Variants in INF2 observed in about 807,000 individuals in gnomAD.
INF2 encodes inverted formin 2.
INF2 carries 43 observed loss-of-function variants against 123.5 expected under a neutral mutation model. The ratio of observed to expected loss-of-function variants is 0.35; its 90% CI spans 0.27 to 0.45. The LOEUF is 0.45. Among genes scored for constraint, INF2 ranks in the 20% least tolerant of loss-of-function variants. INF2 has a pLI of 1.00. For missense variants in INF2, 1,453 were observed against 1,682.7 expected (o/e 0.86, Z 2.39); for synonymous variants, 851 against 745.0 (o/e 1.14, Z -2.32).
intron 21 of INF2, among the ~76,000 whole-genome samples, 182 bp downstream of exon 21, chr14:104,715,038 C>G (rs1328787067): frequency 6.6e-6 from 1 of 152,214 alleles, no homozygotes; most frequent in African/African-American, 2.4e-5. Flanking sequence ...GCTGCCGCGG[C>G]CCGTGCAACT....
At chr14:104,716,071 G>A (rs2140706945) in intron 22 of INF2, 3 of 410,578 alleles carry the variant, frequency 7.3e-6, no homozygotes, top group Non-Finnish European at 1.5e-5. Context: ...GGACCAGCCT[G>A]CACTGGGTGG....
At position 104,709,304 on chromosome 14, in the gene INF2, T is replaced by C. The variant is rs763711670; in HGVS notation, c.1973T>C (p.Met658Thr). The change falls in exon 11 of 23, where the codon ATG becomes ACG. Residue 658 changes from methionine to threonine, a missense_variant. Physicochemically the swap from Met to Thr is moderately conservative, Grantham distance 81. Coordinates refer to ENST00000392634, the MANE Select transcript of INF2 (RefSeq NM_022489.4). ...AGCTCCAACGAGGAGGTCGCTGCTA[T>C]GATCCGGGCTGGAGATACCACCAAG... ...FKCSNEEVAA[M>T]IRAGDTTKFD... 1.9e-6 allele frequency: 3 copies of C among 1,613,034 alleles called. No individual in the cohort carries two copies. The highest frequency in any genetic ancestry group is 2.5e-6 in the Non-Finnish European group (3 of 1,179,816).
chr14:104,712,703 C>A, intron 17 of INF2, 125 bp from the exon 18 acceptor site: 1 of 1,482,112 alleles, frequency 6.7e-7, no homozygotes, highest in East Asian at 2.3e-5. Flanking sequence ...GCCCCTGCTC[C>A]TTGTCAGAGA....
chr14:104,683,370 C>CCCTGGGTG (rs1230705720), intron 1 of INF2, among the ~76,000 whole-genome samples: 1 of 152,202 alleles, frequency 6.6e-6, no homozygotes, highest in Non-Finnish European at 1.5e-5. Flanking sequence ...AGCCTAGCTC[C>CCCTGGGTG]CCTGGGTGCC....
chr14:104,702,891 G>A (rs562476394), intron 2 of INF2, among the ~76,000 whole-genome samples: 25 of 152,242 alleles, frequency 1.6e-4, no homozygotes, highest in African/African-American at 2.4e-4. Context: ...GCCCTTCCCT[G>A]CAGGGTCTGG....
At chr14:104,708,246 C>A in intron 8 of INF2, 190 bp from the exon 9 acceptor site, 1 of 881,944 alleles carries the variant, frequency 1.1e-6, no homozygotes, top group Non-Finnish European at 1.7e-6. Flanking sequence ...TCTGGGGTGC[C>A]ATGGTGCCCT....
chr14:104,689,779 G>A, intron 1 of INF2, 40 bp downstream of exon 1: 8 of 976,524 alleles, frequency 8.2e-6, no homozygotes, highest in Non-Finnish European at 9.7e-6. Context: ...AGCTTCAGGG[G>A]AAACTGAGTC....
At position 104,715,348 on chromosome 14, in the gene INF2, C is replaced by A; in HGVS notation, c.*1+8C>A. On this transcript the variant is annotated splice_region_variant and intron_variant, in intron 22 of 22. Coordinates refer to ENST00000392634, the MANE Select transcript of INF2 (RefSeq NM_022489.4). Reference sequence around the variant, plus strand: ...TGTGTGTGATCCAGTAAGGTATGTACGCAGCCGGCGCTCCGTGGGGGCTAA... The same window carrying A: ...TGTGTGTGATCCAGTAAGGTATGTAAGCAGCCGGCGCTCCGTGGGGGCTAA... 6.2e-7 allele frequency: 1 copy of A among 1,612,524 alleles called. No individual in the cohort carries two copies.
In INF2 at chr14:104,718,959, T is replaced by A; in HGVS notation, c.*166T>A. ...CCCTCCTGGAGCCTTCTTGGGGTGTTGTGGCTGGGAACCCGACAGGCACCA... is the reference window on the plus strand; with the variant it reads ...CCCTCCTGGAGCCTTCTTGGGGTGTAGTGGCTGGGAACCCGACAGGCACCA... On this transcript the variant is annotated 3_prime_UTR_variant, in exon 23 of 23. Transcript: ENST00000392634. 2 of 1,416,982 alleles carry A rather than the reference T, an allele frequency of 1.4e-6. No individual in the cohort carries two copies. Among genetic ancestry groups the A allele is most frequent in the Non-Finnish European group, 1.8e-6 (2 of 1,087,028 alleles). 87.8% of individuals were successfully genotyped at this position (1,416,982 alleles called of 1,614,324 possible).
At chr14:104,694,451 C>G (rs1369271644) in intron 1 of INF2, among the ~76,000 whole-genome samples, 1 of 152,218 alleles carries the variant, frequency 6.6e-6, no homozygotes, top group Non-Finnish European at 1.5e-5. Context: ...CATGCAACGT[C>G]CTAGCTCCGT....
chr14:104,698,525 T>C (rs944789255), intron 1 of INF2, among the ~76,000 whole-genome samples: 5 of 152,226 alleles, frequency 3.3e-5, no homozygotes, highest in Non-Finnish European at 5.9e-5. Flanking sequence ...GGGGATGCCC[T>C]GAGAGAGGCT....
In INF2 at chr14:104,701,756, G is replaced by A. The variant is rs1889514896; in HGVS notation, c.391G>A (p.Ala131Thr). ...GGGCTACGTGCGCCAGCTCTCCCAG[G>A]GTGAGCCGCAGTGTGGGAGGGCCGC... ...NQGYVRQLSQALDTSNVMVKK... is the reference protein window; with the variant it reads ...NQGYVRQLSQTLDTSNVMVKK... The change falls in exon 2 of 23, where the codon GCC (alanine) becomes ACC (threonine). Residue 131 changes from alanine (A) to threonine (T), a missense_variant and splice_region_variant. Around this residue, in one of 8 missense-constraint regions of INF2, gnomAD observed 251 missense variants for 349.4 expected, o/e 0.72. Coordinates refer to ENST00000392634, the MANE Select transcript of INF2 (RefSeq NM_022489.4). 6.7e-6 allele frequency: 10 copies of A among 1,503,044 alleles called. No individual in the cohort carries two copies. Among genetic ancestry groups the A allele is most frequent in the Non-Finnish European group, 8.9e-6 (10 of 1,125,242 alleles). The allele number at this position is 1,503,044 out of a possible 1,614,324, so 93.1% of individuals were successfully genotyped here.
At chr14:104,717,614 C>T (rs1001380321) in intron 22 of INF2, 4 of 152,224 alleles carry the variant, frequency 2.6e-5, no homozygotes, top group Admixed American at 2.6e-4. Context: ...TGGAAGATAA[C>T]TTCACTTTGG....
In INF2 at chr14:104,714,675, T is replaced by TGAGGAC. The variant is rs748373029; in HGVS notation, c.3525_3530dup (p.Asp1175_Glu1176dup). 6.2e-6 allele frequency: 10 copies of TGAGGAC among 1,612,070 alleles called. No homozygotes were observed. The highest frequency in any genetic ancestry group is 3.3e-5 in the South Asian group (3 of 91,042). On this transcript the variant is annotated inframe_insertion, in exon 21 of 23. Coordinates refer to ENST00000392634, the MANE Select transcript of INF2 (RefSeq NM_022489.4). Reference sequence around the variant, plus strand: ...CCCCTGCAGCAGGCCCAGGTGGGGATGAGGACGAGGACGAGGAGGACACGG... The same window carrying TGAGGAC: ...CCCCTGCAGCAGGCCCAGGTGGGGATGAGGACGAGGACGAGGACGAGGAGGACACGG...
intron 10 of INF2, 39 bp from the exon 11 acceptor site, chr14:104,709,242 T>C: frequency 2.7e-6 from 4 of 1,494,892 alleles, no homozygotes; most frequent in Non-Finnish European, 2.8e-6. Flanking sequence ...GGGTGACTCA[T>C]GATTCACTCA....
At chr14:104,718,500 CAG>C (rs1200227365) in intron 22 of INF2, among the ~76,000 whole-genome samples, 10 of 150,570 alleles carry the variant, frequency 6.6e-5, no homozygotes, top group Non-Finnish European at 1.5e-4. Context: ...GGGTCTCAGA[CAG>C]GGGGTGGGGG....
At chr14:104,689,537 C>T (rs1888829619), upstream of INF2, 13 of 839,564 alleles carry the variant, frequency 1.5e-5, no homozygotes, top group South Asian at 7.0e-4. Context: ...CGCCCCCGGC[C>T]CGCGCTCGCT....
At chr14:104,711,742 G>C (rs542575758) in intron 16 of INF2, 43 bp downstream of exon 16, 1 of 1,585,744 alleles carries the variant, frequency 6.3e-7, no homozygotes, top group East Asian at 2.3e-5. Flanking sequence ...CCAGGTGGGG[G>C]CCTGACTTCT....
In INF2 at chr14:104,719,089, C is replaced by T. The variant is rs1890452281; in HGVS notation, c.*296C>T. On this transcript the variant is annotated 3_prime_UTR_variant, in exon 23 of 23. Coordinates refer to ENST00000392634, the MANE Select transcript of INF2 (RefSeq NM_022489.4). ...CCACACCCGCATGCGCCCGGTGCAG[C>T]CTGCCAAGGGCCAGTCGGGGGGTGC... 4 of 550,746 alleles carry T rather than the reference C, an allele frequency of 7.3e-6. No homozygotes were observed. Among genetic ancestry groups the T allele is most frequent in the Admixed American group, 3.5e-5 (1 of 28,474 alleles). The allele number at this position is 550,746 out of a possible 1,614,324, so 34.1% of individuals were successfully genotyped here.
Sources: allele counts gnomAD v4.1 joint callset (sites outside exome capture counted in the v4.1 genomes callset), GRCh38; gene constraint gnomAD v4.1.1; regional missense constraint gnomAD v4.1.1; transcripts MANE v1.5; gene names NCBI Gene and HGNC (gene_info 2026-07-23, HGNC 2026-07-21).